ZMYM1: variants seen among roughly 807,000 people sequenced by gnomAD.
ZMYM1 encodes the protein zinc finger MYM-type containing 1.
A neutral mutation model predicts 60.0 loss-of-function variants in ZMYM1; 39 were observed. The ratio of observed to expected loss-of-function variants is 0.65; its 90% CI spans 0.50 to 0.85. The LOEUF (loss-of-function observed/expected upper bound fraction) is 0.85. ZMYM1 is among the 40% of genes least tolerant of loss of function. ZMYM1 has a pLI of 0.00. For synonymous variants in ZMYM1, 413 were observed against 454.0 expected (o/e 0.91, Z 1.15); for missense variants, 1,171 against 1,309.5 (o/e 0.89, Z 1.63).
chr1:35,088,452 A>ATGTG (rs1436872757), intron 1 of ZMYM1, among the ~76,000 whole-genome samples: 104 of 101,636 alleles, frequency 1.0e-3, no homozygotes, highest in African/African-American at 4.9e-3. Context: ...ATATATATAT[A>ATGTG]TATGTGTGTG....
At chr1:35,088,026 C>T (rs1253765782) in intron 1 of ZMYM1, among the ~76,000 whole-genome samples, 3 of 151,928 alleles carry the variant, frequency 2.0e-5, no homozygotes, top group African/African-American at 4.8e-5. Flanking sequence ...TGTCACTGCA[C>T]TCCAGCCTGG....
At chr1:35,117,352 C>G (rs1644259708), downstream of ZMYM1, among the ~76,000 whole-genome samples, 1 of 152,010 alleles carries the variant, frequency 6.6e-6, no homozygotes, top group African/African-American at 2.4e-5. Flanking sequence ...GAGTCTCGCT[C>G]TGTTGCCCAG....
intron 4 of ZMYM1, among the ~76,000 whole-genome samples, chr1:35,102,102 A>G (rs1461282493): frequency 3.3e-5 from 5 of 152,184 alleles, no homozygotes; most frequent in African/African-American, 9.7e-5. Flanking sequence ...ACTTTATTGC[A>G]AAGTGTTGTT....
intron 3 of ZMYM1, among the ~76,000 whole-genome samples, chr1:35,096,882 C>T (rs142477227): frequency 9.2e-5 from 14 of 152,222 alleles, no homozygotes; most frequent in African/African-American, 2.4e-4. Context: ...ATAGTAGAGA[C>T]GGGGTTTCAC....
rs186619342 is a variant in ZMYM1 at position 35,095,803 on chromosome 1, T to A, written c.97-16T>A. The A allele has an allele frequency of 4.9e-3, 7,528 of 1,544,926 alleles. 85 individuals carry two copies. The highest frequency in any genetic ancestry group is 0.038 in the African/African-American group (2,716 of 71,772). ...GTATTCACTATTTTTAATTATTATTTTTTTTTTCTTTTTAGGAGTATTGTC... is the reference window on the plus strand; with the variant it reads ...GTATTCACTATTTTTAATTATTATTATTTTTTTCTTTTTAGGAGTATTGTC... On this transcript the variant is annotated splice_polypyrimidine_tract_variant and intron_variant, in intron 2 of 9. Transcript: ENST00000359858.
chr1:35,112,575 T>C (rs1286265300), intron 9 of ZMYM1, among the ~76,000 whole-genome samples: 2 of 29,560 alleles, frequency 6.8e-5, no homozygotes, highest in Admixed American at 4.4e-4. Flanking sequence ...AATATAAATA[T>C]ATTATAATGT....
Position 35,115,107 on chromosome 1 carries a change from C to T in ZMYM1, c.3277C>T (p.Leu1093Phe). ...GAACTCATTTTCTACCCTGCCTCGT[C>T]TTAAGACATATTTATGTAATACCAT... ...TENSFSTLPR[L>F]KTYLCNTMGQ... Residue 1093 changes from leucine to phenylalanine, a missense_variant, in exon 10 of 10, where the codon CTT becomes TTT. Coordinates refer to ENST00000359858, the MANE Select transcript of ZMYM1 (RefSeq NM_024772.5). 1.2e-6 allele frequency: 2 copies of T among 1,614,096 alleles called. No homozygotes were observed. Among genetic ancestry groups the T allele is most frequent in the Middle Eastern group, 1.6e-4 (1 of 6,062 alleles).
At position 35,104,579 on chromosome 1, in the gene ZMYM1, A is replaced by C; in HGVS notation, c.617A>C (p.Gln206Pro). ...TAIIQYEVKYQNVKHNLCSNA... is the reference protein window; with the variant it reads ...TAIIQYEVKYPNVKHNLCSNA... ...TAGATTCAGTATGAAGTAAAATACC[A>C]AAATGTGAAACATAATCTTTGCAGT... Residue 206 changes from glutamine (Q) to proline (P), a missense_variant, in exon 6 of 10, where the codon CAA becomes CCA. Coordinates refer to ENST00000359858, the MANE Select transcript of ZMYM1 (RefSeq NM_024772.5). 6.2e-7 allele frequency: 1 copy of C among 1,614,160 alleles called. No homozygotes were observed. The highest frequency in any genetic ancestry group is 8.5e-7 in the Non-Finnish European group (1 of 1,180,020).
intron 1 of ZMYM1, among the ~76,000 whole-genome samples, chr1:35,089,738 C>CTTTTTTTTTTTTTTTTT (rs71029065): frequency 1.6e-5 from 1 of 60,980 alleles, no homozygotes; most frequent in Non-Finnish European, 2.7e-5. Context: ...AGTTGTAAGG[C>CTTTTTTTTTTTTTTTTT]TTTTTTTTTT....
At chr1:35,074,227 A>T (rs1423460867) in intron 1 of ZMYM1, among the ~76,000 whole-genome samples, 1 of 152,176 alleles carries the variant, frequency 6.6e-6, no homozygotes, top group Non-Finnish European at 1.5e-5. Flanking sequence ...GTCCAAAAAG[A>T]TACTTGCTAT....
At chr1:35,081,923 C>G (rs1642408800) in intron 1 of ZMYM1, among the ~76,000 whole-genome samples, 1 of 152,152 alleles carries the variant, frequency 6.6e-6, no homozygotes, top group Non-Finnish European at 1.5e-5. Context: ...GAACTCCTGA[C>G]CTCAGGTAAT....
At chr1:35,074,854 TA>T (rs1021030119), upstream of ZMYM1, among the ~76,000 whole-genome samples, 31 of 19,960 alleles carry the variant, frequency 1.6e-3, no homozygotes, top group Admixed American at 2.5e-3. Flanking sequence ...GACACATATA[TA>T]TTTTTTTTTT....
At position 35,104,296 on chromosome 1, in the gene ZMYM1, G is replaced by T; in HGVS notation, c.421G>T (p.Asp141Tyr). Reference sequence around the variant, plus strand: ...GATGTCCTTGTTATTTATTCTTAGAGACATTTTAAATCCAAAGGATGTGAT... The same window carrying T: ...GATGTCCTTGTTATTTATTCTTAGATACATTTTAAATCCAAAGGATGTGAT... The part of the protein sequence containing the change: ...SKRTCSNCSK[D>Y]ILNPKDVISV... The change falls in exon 5 of 10, where the codon GAC (aspartate) becomes TAC (tyrosine). Residue 141 changes from aspartate to tyrosine, a missense_variant and splice_region_variant. Transcript: ENST00000359858. 1 of 1,570,748 alleles carries T rather than the reference G, an allele frequency of 6.4e-7. No homozygotes were observed. Among genetic ancestry groups the T allele is most frequent in the South Asian group, 1.2e-5 (1 of 85,018 alleles).
Position 35,114,490 on chromosome 1 carries a change from T to G in ZMYM1, c.2660T>G (p.Phe887Cys). Residue 887 changes from phenylalanine (F) to cysteine (C), a missense_variant, in exon 10 of 10, where the codon TTT (phenylalanine) becomes TGT (cysteine). Coordinates refer to ENST00000359858, the MANE Select transcript of ZMYM1 (RefSeq NM_024772.5). ...KELQNKTIDI[F>C]SLSSKIEAIL... ...CTTCAAAATAAAACCATAGACATTTTTTCTTTGTCTTCAAAAATAGAAGCA... is the reference window on the plus strand; with the variant it reads ...CTTCAAAATAAAACCATAGACATTTGTTCTTTGTCTTCAAAAATAGAAGCA... 6.2e-7 allele frequency: 1 copy of G among 1,611,950 alleles called. No individual in the cohort carries two copies. Among genetic ancestry groups the G allele is most frequent in the Non-Finnish European group, 8.5e-7 (1 of 1,178,812 alleles).
At position 35,110,354 on chromosome 1, in the gene ZMYM1, A is replaced by G; in HGVS notation, c.868A>G (p.Ile290Val). 6.3e-7 allele frequency: 1 copy of G among 1,595,328 alleles called. No individual in the cohort carries two copies. Among genetic ancestry groups the G allele is most frequent in the Non-Finnish European group, 8.5e-7 (1 of 1,172,224 alleles). Residue 290 changes from isoleucine to valine, a missense_variant, in exon 7 of 10, where the codon ATT becomes GTT. By Grantham distance (29) the Ile-to-Val change is conservative. Transcript: ENST00000359858. ...CKPLKPSDEMIETTSDLGKTE... is the reference protein window; with the variant it reads ...CKPLKPSDEMVETTSDLGKTE... Reference sequence around the variant, plus strand: ...ACCATTGAAGCCCTCAGATGAAATGATTGAGACTACGAGTGATTTGGGGAA... The same window carrying G: ...ACCATTGAAGCCCTCAGATGAAATGGTTGAGACTACGAGTGATTTGGGGAA...
intron 1 of ZMYM1, among the ~76,000 whole-genome samples, chr1:35,060,985 G>A (rs929990708): frequency 7.2e-5 from 11 of 152,204 alleles, no homozygotes; most frequent in African/African-American, 2.4e-4. Context: ...AAGGCCATGA[G>A]CCTGGCTAGG....
chr1:35,082,136 G>T (rs1642418751), intron 1 of ZMYM1, among the ~76,000 whole-genome samples: 1 of 151,612 alleles, frequency 6.6e-6, no homozygotes, highest in Admixed American at 6.6e-5. Context: ...TTGCTTTATT[G>T]ATCTAACTAG....
At chr1:35,106,991 A>G (rs1250569386) in intron 6 of ZMYM1, among the ~76,000 whole-genome samples, 2 of 151,656 alleles carry the variant, frequency 1.3e-5, no homozygotes, top group Non-Finnish European at 2.9e-5. Flanking sequence ...AGCTGGGACT[A>G]CAGGTGCCCA....
At chr1:35,078,423 G>A (rs1333168447), upstream of ZMYM1, among the ~76,000 whole-genome samples, 1 of 151,156 alleles carries the variant, frequency 6.6e-6, no homozygotes, top group Non-Finnish European at 1.5e-5. Context: ...ATCCTCTTAT[G>A]CCTTTAGGAA....
Sources: allele counts gnomAD v4.1 joint callset (sites outside exome capture counted in the v4.1 genomes callset), GRCh38; gene constraint gnomAD v4.1.1; transcripts MANE v1.5; gene names NCBI Gene and HGNC (gene_info 2026-07-23, HGNC 2026-07-21).